Variants in RFX7 observed in about 807,000 individuals in gnomAD.
RFX7 encodes the protein regulatory factor X7.
RFX7 carries 26 observed loss-of-function variants against 111.8 expected under a neutral mutation model. The ratio of observed to expected loss-of-function variants is 0.23; its 90% CI spans 0.17 to 0.32. The LOEUF (loss-of-function observed/expected upper bound fraction) is 0.32, where lower values mean the gene tolerates loss of function less well. RFX7 is among the 10% of genes least tolerant of loss of function. The pLI is 1.00. For synonymous variants in RFX7, 624 were observed against 624.4 expected (o/e 1.00, Z 0.01); for missense variants, 1,573 against 1,772.9 (o/e 0.89, Z 2.02).
Position 56,093,672 on chromosome 15 carries a change from G to C in RFX7, c.4056C>G (p.Asp1352Glu). The change falls in exon 10 of 10, where the codon GAC becomes GAG. Residue 1352 changes from aspartate (D) to glutamate (E), a missense_variant. Asp to Glu is a conservative substitution (Grantham distance 45). This residue lies in a region of RFX7 where 411 missense variants were observed against 478.1 expected (regional missense o/e 0.86). Transcript: ENST00000559447. ...QQLDFNSTVKDLLSGDSLQTN... is the reference protein window; with the variant it reads ...QQLDFNSTVKELLSGDSLQTN... ...TTTGCAAGCTGTCTCCACTCAACAG[G>C]TCTTTAACAGTGCTATTGAAATCTA... is the stretch of plus-strand genomic sequence containing the variant. 2 of 1,613,858 alleles carry C rather than the reference G, an allele frequency of 1.2e-6. No homozygotes were observed. Among genetic ancestry groups the C allele is most frequent in the South Asian group, 2.2e-5 (2 of 91,084 alleles).
intron 3 of RFX7, among the ~76,000 whole-genome samples, chr15:56,168,021 AG>A (rs1362080886): frequency 5.9e-5 from 9 of 152,228 alleles, no homozygotes; most frequent in Non-Finnish European, 1.3e-4. Context: ...CTCATACTTC[AG>A]AAAATCTGTA....
Position 56,090,698 on chromosome 15 carries a change from A to T in RFX7, c.*2647T>A, listed in dbSNP as rs1380487234. ...ACACTGGGGAAATCTGACTTTTTGC[A>T]CTAAATGAAACATGAAACAGGGCTT... On this transcript the variant is annotated 3_prime_UTR_variant, in exon 10 of 10. Transcript: ENST00000559447. 6.6e-6 allele frequency: 1 copy of T among 152,596 alleles called. No individual in the cohort carries two copies. The highest frequency in any genetic ancestry group is 2.4e-5 in the African/African-American group (1 of 41,458). 9.5% of individuals were successfully genotyped at this position (152,596 alleles called of 1,614,324 possible). A position where few individuals can be genotyped will look rare whatever the true frequency, so the allele number is the denominator to read the frequency against.
intron 2 of RFX7, among the ~76,000 whole-genome samples, chr15:56,235,001 G>A (rs1407490902): frequency 1.3e-5 from 2 of 152,176 alleles, no homozygotes; most frequent in East Asian, 3.8e-4. Flanking sequence ...TCACAAGCTG[G>A]ATCTTAAAGT....
chr15:56,179,137 T>C (rs2042934931), intron 3 of RFX7, 133 bp downstream of exon 3: 1 of 374,300 alleles, frequency 2.7e-6, no homozygotes, highest in South Asian at 2.5e-5. Flanking sequence ...GAGGGGGCTG[T>C]AATTAAAATA....
intron 3 of RFX7, among the ~76,000 whole-genome samples, chr15:56,145,559 C>G (rs1413461527): frequency 6.6e-6 from 1 of 152,170 alleles, no homozygotes; most frequent in African/African-American, 2.4e-5. Flanking sequence ...GGCTCTTGCT[C>G]CAATACCTAA....
At chr15:56,111,009 G>A (rs1197175876) in intron 5 of RFX7, among the ~76,000 whole-genome samples, 705 of 51,890 alleles carry the variant, frequency 0.014, 31 homozygotes, top group African/African-American at 0.039. Flanking sequence ...CAGCCACCCC[G>A]TCTGGGAGGG....
intron 5 of RFX7, among the ~76,000 whole-genome samples, chr15:56,133,808 T>G (rs1192131663): frequency 6.6e-6 from 1 of 152,136 alleles, no homozygotes; most frequent in East Asian, 1.9e-4. Context: ...AAATGGCAAA[T>G]TATGGTTTTA....
At chr15:56,192,001 TCTCA>T (rs2043105028) in intron 2 of RFX7, among the ~76,000 whole-genome samples, 1 of 152,008 alleles carries the variant, frequency 6.6e-6, no homozygotes, top group Non-Finnish European at 1.5e-5. Context: ...CACAATATAC[TCTCA>T]CTCTCACTCT....
intron 2 of RFX7, among the ~76,000 whole-genome samples, chr15:56,181,847 G>T (rs2042977137): frequency 6.6e-6 from 1 of 152,032 alleles, no homozygotes. Context: ...TCTCATCCCT[G>T]TTAGGAACGG....
intron 2 of RFX7, among the ~76,000 whole-genome samples, chr15:56,232,985 A>G (rs2043583411): frequency 6.6e-6 from 1 of 152,150 alleles, no homozygotes; most frequent in Non-Finnish European, 1.5e-5. Flanking sequence ...TCTTCTTCTG[A>G]GCTCTCCAAA....
At position 56,089,381 on chromosome 15, in the gene RFX7, A is replaced by C. The variant is rs142850082; in HGVS notation, c.*3964T>G. On this transcript the variant is annotated 3_prime_UTR_variant, in exon 10 of 10. Transcript: ENST00000559447. Reference sequence around the variant, plus strand: ...AAGATGATGGAACAGAAACACAAACAGGATCTGGTGCCTGTAAACAATGAA... The same window carrying C: ...AAGATGATGGAACAGAAACACAAACCGGATCTGGTGCCTGTAAACAATGAA... 1 of 152,756 alleles carries C rather than the reference A, an allele frequency of 6.5e-6. No homozygotes were observed. Among genetic ancestry groups the C allele is most frequent in the East Asian group, 1.9e-4 (1 of 5,182 alleles). 9.5% of individuals were successfully genotyped at this position (152,756 alleles called of 1,614,324 possible).
At chr15:56,123,914 G>A (rs2042108897) in intron 5 of RFX7, among the ~76,000 whole-genome samples, 1 of 152,238 alleles carries the variant, frequency 6.6e-6, no homozygotes, top group African/African-American at 2.4e-5. Flanking sequence ...CAGGTGCTGG[G>A]AGATGGGGGA....
chr15:56,166,509 A>G (rs1240418510), intron 3 of RFX7, among the ~76,000 whole-genome samples: 1 of 152,208 alleles, frequency 6.6e-6, no homozygotes, highest in Non-Finnish European at 1.5e-5. Context: ...TTACTTATGA[A>G]TAATATGTAA....
chr15:56,218,890 G>A (rs1462463147), intron 2 of RFX7, among the ~76,000 whole-genome samples: 4 of 152,104 alleles, frequency 2.6e-5, no homozygotes, highest in Admixed American at 2.0e-4. Context: ...TCAGATAACA[G>A]AGAGATCGAA....
At chr15:56,243,375 G>C in intron 1 of RFX7, 70 bp downstream of exon 1, 1 of 791,178 alleles carries the variant, frequency 1.3e-6, no homozygotes, top group South Asian at 2.0e-5. Context: ...GAAGGGGGGA[G>C]AGGAGGAGGG....
At chr15:56,157,698 G>T (rs1440410621) in intron 3 of RFX7, among the ~76,000 whole-genome samples, 4 of 152,180 alleles carry the variant, frequency 2.6e-5, no homozygotes, top group Admixed American at 6.5e-5. Context: ...TCCTGCCTCA[G>T]CCTCCTGAGT....
At chr15:56,225,179 T>C (rs918847283) in intron 2 of RFX7, among the ~76,000 whole-genome samples, 1 of 152,152 alleles carries the variant, frequency 6.6e-6, no homozygotes, top group East Asian at 1.9e-4. Flanking sequence ...TAAAATATAA[T>C]TGTTTTGTTT....
At chr15:56,205,658 T>C (rs1254977868) in intron 2 of RFX7, among the ~76,000 whole-genome samples, 5 of 152,210 alleles carry the variant, frequency 3.3e-5, no homozygotes, top group African/African-American at 1.2e-4. Flanking sequence ...GAGAGAAAAC[T>C]TCCCAATTCA....
At chr15:56,153,592 C>T (rs2042607106) in intron 3 of RFX7, among the ~76,000 whole-genome samples, 1 of 152,000 alleles carries the variant, frequency 6.6e-6, no homozygotes, top group Non-Finnish European at 1.5e-5. Context: ...ATAAAATTCA[C>T]CCCTTCATGC....
Sources: gnomAD v4.1 joint callset for allele counts (sites outside exome capture counted in the v4.1 genomes callset) on GRCh38, gnomAD v4.1.1 for gene constraint, gnomAD v4.1.1 regional missense constraint, MANE v1.5 for transcripts, NCBI Gene and HGNC (gene_info 2026-07-23, HGNC 2026-07-21) for gene names.